Variants in CNTN4 observed in about 807,000 individuals in gnomAD.
The protein encoded by CNTN4 is contactin 4.
CNTN4 carries 77 observed loss-of-function variants against 122.5 expected under a neutral mutation model. That is an observed-to-expected ratio of 0.63 (90% CI 0.52 to 0.76). The LOEUF is 0.76. Among genes scored for constraint, CNTN4 ranks in the 30% least tolerant of loss-of-function variants. CNTN4 has a pLI of 0.00. For synonymous variants in CNTN4, 512 were observed against 447.0 expected (o/e 1.15, Z -1.83); for missense variants, 1,256 against 1,259.1 (o/e 1.00, Z 0.04).
At chr3:2,380,426 G>T (rs1024202395) in intron 3 of CNTN4, among the ~76,000 whole-genome samples, 3 of 142,332 alleles carry the variant, frequency 2.1e-5, no homozygotes, top group Admixed American at 2.1e-4. Flanking sequence ...TGAAGAACAT[G>T]AAATGTGTCT....
intron 2 of CNTN4, among the ~76,000 whole-genome samples, chr3:2,274,465 G>A (rs1417218439): frequency 6.6e-6 from 1 of 151,856 alleles, no homozygotes; most frequent in Non-Finnish European, 1.5e-5. Flanking sequence ...ATTGTTTTAG[G>A]ATCTATGTTT....
intron 3 of CNTN4, among the ~76,000 whole-genome samples, chr3:2,438,227 CTG>C (rs777020667): frequency 1.3e-5 from 2 of 152,042 alleles, no homozygotes; most frequent in Non-Finnish European, 2.9e-5. Flanking sequence ...TATTTTAAAA[CTG>C]TGTTATTTGG....
chr3:2,751,092 G>C (rs578239199), intron 6 of CNTN4, among the ~76,000 whole-genome samples: 53 of 152,178 alleles, frequency 3.5e-4, no homozygotes, highest in Non-Finnish European at 5.7e-4. Flanking sequence ...ACGAGGTCAG[G>C]AGATTGAGAC....
At chr3:2,442,627 C>A (rs930838793) in intron 3 of CNTN4, among the ~76,000 whole-genome samples, 8 of 151,550 alleles carry the variant, frequency 5.3e-5, no homozygotes, top group African/African-American at 1.9e-4. Context: ...GTGGATTTGT[C>A]TAAAAAAGGA....
At chr3:2,348,418 C>G (rs1225290744) in intron 3 of CNTN4, among the ~76,000 whole-genome samples, 2 of 152,136 alleles carry the variant, frequency 1.3e-5, no homozygotes, top group East Asian at 3.9e-4. Context: ...GCTTGGAAGA[C>G]TATGTCTCCT....
intron 14 of CNTN4, among the ~76,000 whole-genome samples, chr3:2,996,217 A>G (rs1015220076): frequency 6.6e-6 from 1 of 152,182 alleles, no homozygotes; most frequent in Non-Finnish European, 1.5e-5. Flanking sequence ...CTGGAGGTAC[A>G]TGAAAATGTG....
intron 12 of CNTN4, among the ~76,000 whole-genome samples, chr3:2,917,446 G>A (rs1005605517): frequency 6.6e-6 from 1 of 152,108 alleles, no homozygotes; most frequent in Non-Finnish European, 1.5e-5. Flanking sequence ...TGTATTACTT[G>A]GGAATTTTGT....
intron 2 of CNTN4, among the ~76,000 whole-genome samples, chr3:2,149,884 A>G (rs2035416750): frequency 6.6e-6 from 1 of 151,928 alleles, no homozygotes; most frequent in African/African-American, 2.4e-5. Flanking sequence ...AGGCCTGACC[A>G]ATGCTGGTGA....
chr3:2,192,129 T>C (rs1025266682), intron 2 of CNTN4, among the ~76,000 whole-genome samples: 1 of 152,028 alleles, frequency 6.6e-6, no homozygotes, highest in African/African-American at 2.4e-5. Context: ...CAGTCTATCA[T>C]TGATGGACAT....
chr3:2,282,848 G>A (rs146784326), intron 2 of CNTN4, among the ~76,000 whole-genome samples: 265 of 152,278 alleles, frequency 1.7e-3, no homozygotes, highest in African/African-American at 6.2e-3. Context: ...CGTGTTACAA[G>A]TTGGATGAAC....
intron 4 of CNTN4, among the ~76,000 whole-genome samples, chr3:2,637,593 C>T (rs1199441379): frequency 3.3e-5 from 5 of 152,162 alleles, no homozygotes; most frequent in African/African-American, 1.2e-4. Flanking sequence ...CAACAAGAAA[C>T]ATCACTGAGC....
chr3:2,962,828 T>C (rs903002164), intron 13 of CNTN4, among the ~76,000 whole-genome samples: 1 of 152,194 alleles, frequency 6.6e-6, no homozygotes, highest in African/African-American at 2.4e-5. Context: ...ATTAAAATAA[T>C]GTTGAACACC....
intron 3 of CNTN4, among the ~76,000 whole-genome samples, chr3:2,353,599 TGGACGGGAGGAATGAACAACTCC>T (rs1319254372): frequency 1.3e-5 from 2 of 151,998 alleles, no homozygotes; most frequent in East Asian, 1.9e-4. Context: ...TGAGCAACTC[TGGACGGGAGGAATGAACAACTCC>T]GGACACACCA....
At chr3:2,105,832 C>CA (rs563940029) in intron 2 of CNTN4, among the ~76,000 whole-genome samples, 38 of 152,260 alleles carry the variant, frequency 2.5e-4, no homozygotes, top group Middle Eastern at 3.4e-3. Flanking sequence ...GTCCACAGTC[C>CA]AAAGTCTCAT....
chr3:3,035,521 A>G (rs1699526891), intron 17 of CNTN4, among the ~76,000 whole-genome samples: 1 of 152,156 alleles, frequency 6.6e-6, no homozygotes, highest in South Asian at 2.1e-4. Context: ...AGTGCTCTCA[A>G]AAACCAATAA....
At chr3:2,778,169 G>A (rs1171632168) in intron 6 of CNTN4, among the ~76,000 whole-genome samples, 15 of 140,624 alleles carry the variant, frequency 1.1e-4, no homozygotes, top group African/African-American at 1.4e-4. Context: ...AGCCGAGATC[G>A]CGCCACTGCA....
chr3:2,602,685 A>G (rs564180791), intron 4 of CNTN4, among the ~76,000 whole-genome samples: 263 of 152,298 alleles, frequency 1.7e-3, no homozygotes, highest in Non-Finnish European at 3.3e-3. Flanking sequence ...TATAGATTCA[A>G]TGTCATCCCC....
rs554819437 is a variant in CNTN4 at position 2,638,158 on chromosome 3, A to T, written c.55+66600A>T. On this transcript the variant is annotated intron_variant, in intron 4 of 24. Transcript: ENST00000418658. ...CTTTAACTTCCACCTTATTGGAAAA[A>T]TTTTTCCATTAACTTCTACCTTAAT... Among the ~76,000 whole-genome samples, 100 of 152,116 alleles carry T rather than the reference A, an allele frequency of 6.6e-4. 2 individuals carry two copies. The highest frequency in any genetic ancestry group is 2.4e-3 in the African/African-American group (99 of 41,486).
At chr3:2,244,016 G>A (rs928945554) in intron 2 of CNTN4, among the ~76,000 whole-genome samples, 1 of 152,020 alleles carries the variant, frequency 6.6e-6, no homozygotes, top group Non-Finnish European at 1.5e-5. Context: ...ATGTTGATGA[G>A]TTGTACGGTA....
Sources: gnomAD v4.1 joint callset for allele counts (sites outside exome capture counted in the v4.1 genomes callset) on GRCh38, gnomAD v4.1.1 for gene constraint, MANE v1.5 for transcripts, NCBI Gene and HGNC (gene_info 2026-07-23, HGNC 2026-07-21) for gene names.